Variants in NR5A2 observed in about 807,000 individuals in gnomAD.
NR5A2 encodes CYP7A promoter-binding factor.
A neutral mutation model predicts 62.7 loss-of-function variants in NR5A2; 26 were observed. The observed-to-expected ratio is 0.41, with a 90% CI of 0.30 to 0.58. The LOEUF (loss-of-function observed/expected upper bound fraction) is 0.58. Ranked by LOEUF, NR5A2 falls within the 20% of genes least tolerant of loss-of-function variation. The pLI is 0.22. For missense variants in NR5A2, 541 were observed against 669.1 expected (o/e 0.81, Z 2.11); for synonymous variants, 246 against 241.7 (o/e 1.02, Z -0.16).
At chr1:200,115,392 G>A (rs1401682700) in intron 6 of NR5A2, among the ~76,000 whole-genome samples, 2 of 152,152 alleles carry the variant, frequency 1.3e-5, no homozygotes, top group African/African-American at 4.8e-5. Context: ...AACACTGCTA[G>A]AAGTGTGTTT....
intron 5 of NR5A2, among the ~76,000 whole-genome samples, chr1:200,086,344 C>T (rs1571447677): frequency 6.6e-6 from 1 of 151,964 alleles, no homozygotes; most frequent in East Asian, 1.9e-4. Context: ...GCTCTTGTTG[C>T]CCAGGCTGGA....
chr1:200,164,471 T>C (rs981269761), intron 7 of NR5A2, among the ~76,000 whole-genome samples: 2 of 152,196 alleles, frequency 1.3e-5, no homozygotes, highest in Non-Finnish European at 2.9e-5. Context: ...ATACATTACA[T>C]TTAAAACATT....
chr1:200,052,802 G>T lies in NR5A2; in HGVS notation c.1110+3984G>T, dbSNP rs1338453622. ...GACTACAGGTGCCTGCCACCACGCCGGCTAATTTTTTGTATTTTTAGTAGA... is the reference window on the plus strand; with the variant it reads ...GACTACAGGTGCCTGCCACCACGCCTGCTAATTTTTTGTATTTTTAGTAGA... On this transcript the variant is annotated intron_variant, in intron 5 of 7. Transcript: ENST00000367362. Among the ~76,000 whole-genome samples the T allele has an allele frequency of 3.3e-5, 5 of 151,138 alleles. No individual in the cohort carries two copies. In the East Asian group the frequency reaches 9.7e-4, roughly 29 times the overall value.
At chr1:200,158,636 C>A (rs1653492419) in intron 7 of NR5A2, among the ~76,000 whole-genome samples, 1 of 152,134 alleles carries the variant, frequency 6.6e-6, no homozygotes, top group Non-Finnish European at 1.5e-5. Flanking sequence ...CACTATGTCA[C>A]CCAGGCTGGA....
At chr1:200,033,953 G>A (rs2102135213) in intron 1 of NR5A2, among the ~76,000 whole-genome samples, 1 of 152,310 alleles carries the variant, frequency 6.6e-6, no homozygotes, top group Middle Eastern at 3.4e-3. Context: ...CAGAAGCTCA[G>A]GCAGGGGCTT....
intron 5 of NR5A2, among the ~76,000 whole-genome samples, chr1:200,062,025 G>A (rs1366351032): frequency 6.6e-6 from 1 of 152,160 alleles, no homozygotes; most frequent in Non-Finnish European, 1.5e-5. Flanking sequence ...AATGGTAAAG[G>A]CAATATGTAG....
At chr1:200,117,096 G>GGGAC (rs1326631709) in intron 6 of NR5A2, among the ~76,000 whole-genome samples, 4 of 152,072 alleles carry the variant, frequency 2.6e-5, no homozygotes, top group Non-Finnish European at 5.9e-5. Flanking sequence ...TTATCTAAAG[G>GGGAC]GGACATCAGT....
intron 2 of NR5A2, among the ~76,000 whole-genome samples, chr1:200,041,063 G>A (rs1049188136): frequency 4.6e-5 from 7 of 152,260 alleles, no homozygotes; most frequent in African/African-American, 1.7e-4. Flanking sequence ...GTTTAGTGTG[G>A]GGCATCGGGG....
chr1:200,061,991 A>G (rs1000818338), intron 5 of NR5A2, among the ~76,000 whole-genome samples: 13 of 152,214 alleles, frequency 8.5e-5, no homozygotes, highest in Non-Finnish European at 1.6e-4. Flanking sequence ...TGCTCAAGAC[A>G]TAAAGGACGG....
chr1:200,121,051 CAATAT>C, intron 7 of NR5A2, 96 bp downstream of exon 7: 1 of 1,238,068 alleles, frequency 8.1e-7, no homozygotes, highest in Non-Finnish European at 1.2e-6. Flanking sequence ...TTTGTTCTAT[CAATAT>C]AATGCCCTTC....
chr1:200,075,255 A>G (rs886201172), intron 5 of NR5A2, among the ~76,000 whole-genome samples: 4 of 152,256 alleles, frequency 2.6e-5, no homozygotes, highest in African/African-American at 9.6e-5. Context: ...CATTGACTGC[A>G]TATCCCACTG....
intron 5 of NR5A2, among the ~76,000 whole-genome samples, chr1:200,074,736 CAAAA>C (rs199556915): frequency 0.012 from 812 of 67,530 alleles, 14 homozygotes; most frequent in African/African-American, 0.047. Flanking sequence ...GAGTCCATCT[CAAAA>C]AAAAAAAAAA....
chr1:200,152,894 T>C (rs1161066431), intron 7 of NR5A2, among the ~76,000 whole-genome samples: 1 of 152,194 alleles, frequency 6.6e-6, no homozygotes, highest in East Asian at 1.9e-4. Context: ...CTTTGCTGGT[T>C]TCATCAGAGG....
Position 200,175,688 on chromosome 1 carries a change from C to T in NR5A2, c.*1478C>T, listed in dbSNP as rs564368453. ...CTGTGATATAACAAAATAGCAAAAG[C>T]GGTAATTTCCTTAATGTTATTTTTC... is the stretch of plus-strand genomic sequence containing the variant. On this transcript the variant is annotated 3_prime_UTR_variant, in exon 8 of 8. Transcript: ENST00000367362. 1.6e-4 allele frequency: 24 copies of T among 152,460 alleles called. No homozygotes were observed. Among genetic ancestry groups the T allele is most frequent in the African/African-American group, 2.9e-4 (12 of 41,418 alleles). 9.4% of individuals were successfully genotyped at this position (152,460 alleles called of 1,614,324 possible).
At position 200,048,106 on chromosome 1, in the gene NR5A2, A is replaced by C; in HGVS notation, c.464-66A>C. 2.9e-6 allele frequency: 4 copies of C among 1,387,404 alleles called. No homozygotes were observed. The highest frequency in any genetic ancestry group is 3.9e-6 in the Non-Finnish European group (4 of 1,015,226). The allele number at this position is 1,387,404 out of a possible 1,614,324, so 85.9% of individuals were successfully genotyped here. Reference sequence around the variant, plus strand: ...GTCGATTTACATTTCTAAATATCTGAAGAATGCTAATAATTTGCACCTTAT... The same window carrying C: ...GTCGATTTACATTTCTAAATATCTGCAGAATGCTAATAATTTGCACCTTAT... On this transcript the variant is annotated intron_variant, in intron 4 of 7. Transcript: ENST00000367362. The surrounding 1 kb of genome is among the most constrained non-coding windows in gnomAD (Gnocchi z 4.8).
intron 5 of NR5A2, among the ~76,000 whole-genome samples, chr1:200,082,922 A>T (rs1434023829): frequency 1.3e-5 from 2 of 152,138 alleles, no homozygotes; most frequent in African/African-American, 2.4e-5. Context: ...AACTAAGATG[A>T]CCCTTCCAAC....
intron 5 of NR5A2, among the ~76,000 whole-genome samples, chr1:200,063,309 C>G (rs1358885728): frequency 6.6e-6 from 1 of 151,982 alleles, no homozygotes; most frequent in African/African-American, 2.4e-5. Flanking sequence ...CAGATGTGAG[C>G]CACCGCACCC....
chr1:200,143,638 ATT>A (rs11285826), intron 7 of NR5A2, among the ~76,000 whole-genome samples: 1,546 of 103,300 alleles, frequency 0.015, 13 homozygotes, highest in African/African-American at 0.037. Flanking sequence ...ATTGTTCATA[ATT>A]TTTTTTTTTT....
Position 200,132,483 on chromosome 1 carries a change from T to G in NR5A2, c.1378+11528T>G, listed in dbSNP as rs546754290. Among the ~76,000 whole-genome samples, 7 of 152,330 alleles carry G rather than the reference T, an allele frequency of 4.6e-5. No individual in the cohort carries two copies. The South Asian group carries it at 1.2e-3, about 27-fold the overall frequency. On this transcript the variant is annotated intron_variant, in intron 7 of 7. Coordinates refer to ENST00000367362, the MANE Select transcript of NR5A2 (RefSeq NM_205860.3). ...CATCTCTTGTCTTTCTTTCTGTTCCTTGTTTTCACTGAACTAATGCACGTT... is the reference window on the plus strand; with the variant it reads ...CATCTCTTGTCTTTCTTTCTGTTCCGTGTTTTCACTGAACTAATGCACGTT...
Sources: gnomAD v4.1 joint callset for allele counts (sites outside exome capture counted in the v4.1 genomes callset) on GRCh38, gnomAD v4.1.1 for gene constraint, Gnocchi (gnomAD v3.1) non-coding constraint, MANE v1.5 for transcripts, NCBI Gene and HGNC (gene_info 2026-07-23, HGNC 2026-07-21) for gene names.